MTUS2: variants seen among roughly 807,000 people sequenced by gnomAD.
MTUS2 encodes the protein microtubule associated scaffold protein 2.
Under a neutral mutation model 114.1 loss-of-function variants are expected in MTUS2, and 40 were observed. The observed-to-expected ratio is 0.35, with a 90% CI of 0.27 to 0.46. The LOEUF is 0.46. Ranked by LOEUF, MTUS2 falls within the 20% of genes least tolerant of loss-of-function variation. MTUS2 has a pLI of 1.00. For synonymous variants in MTUS2, 688 were observed against 672.0 expected, an observed-to-expected ratio of 1.02 and a Z score of -0.37; for missense variants, 1,679 against 1,705.4, an observed-to-expected ratio of 0.98 and a Z score of 0.27.
intron 8 of MTUS2, among the ~76,000 whole-genome samples, chr13:29,438,981 A>T (rs1399802910): frequency 6.6e-6 from 1 of 152,162 alleles, no homozygotes; most frequent in Non-Finnish European, 1.5e-5. Flanking sequence ...CGTCCTTCAG[A>T]GGTGCTGAAA....
At chr13:28,939,916 AC>A (rs1175465207) in intron 2 of MTUS2, among the ~76,000 whole-genome samples, 4 of 152,188 alleles carry the variant, frequency 2.6e-5, no homozygotes, top group Non-Finnish European at 5.9e-5. Flanking sequence ...GTCATGTCTT[AC>A]GTGGCGGCAG....
At chr13:29,153,079 A>T (rs1188108863) in intron 5 of MTUS2, among the ~76,000 whole-genome samples, 2 of 152,162 alleles carry the variant, frequency 1.3e-5, no homozygotes, top group African/African-American at 4.8e-5. Context: ...CATGCACAAA[A>T]TGTGAGTTGT....
chr13:28,873,248 A>C (rs747829989), intron 2 of MTUS2, among the ~76,000 whole-genome samples: 15 of 152,004 alleles, frequency 9.9e-5, no homozygotes, highest in Non-Finnish European at 1.9e-4. Flanking sequence ...ATGGGGGAAA[A>C]TTTTCTTCCT....
At chr13:29,460,784 C>T (rs1555281531) in intron 9 of MTUS2, among the ~76,000 whole-genome samples, 1 of 151,790 alleles carries the variant, frequency 6.6e-6, no homozygotes, top group Non-Finnish European at 1.5e-5. Context: ...AGTTACTCAA[C>T]TTTTTTTAGT....
chr13:28,873,627 A>G (rs1488838864), intron 2 of MTUS2, among the ~76,000 whole-genome samples: 1 of 152,234 alleles, frequency 6.6e-6, no homozygotes, highest in Non-Finnish European at 1.5e-5. Context: ...CAATAATGCA[A>G]TACAAATGGG....
intron 2 of MTUS2, among the ~76,000 whole-genome samples, chr13:29,010,462 T>TA (rs1391050407): frequency 6.6e-6 from 1 of 152,166 alleles, no homozygotes; most frequent in Non-Finnish European, 1.5e-5. Flanking sequence ...TCAGAGGACT[T>TA]ACCATCTCAA....
intron 5 of MTUS2, among the ~76,000 whole-genome samples, chr13:29,186,114 T>C (rs138176866): frequency 6.6e-6 from 1 of 152,284 alleles, no homozygotes; most frequent in East Asian, 1.9e-4. Context: ...CTTAGGAGGC[T>C]GAGGTGGGAA....
intron 2 of MTUS2, among the ~76,000 whole-genome samples, chr13:29,020,343 G>A (rs1365143373): frequency 1.3e-5 from 2 of 152,126 alleles, no homozygotes; most frequent in African/African-American, 4.8e-5. Context: ...ATCACACACA[G>A]TCTTGTATTA....
intron 2 of MTUS2, among the ~76,000 whole-genome samples, chr13:29,022,402 C>T (rs1192500920): frequency 6.6e-6 from 1 of 152,128 alleles, no homozygotes; most frequent in Non-Finnish European, 1.5e-5. Flanking sequence ...TAGGGTTTTG[C>T]TGTGTTGCCA....
chr13:29,372,702 T>G (rs34260552), intron 8 of MTUS2, among the ~76,000 whole-genome samples: 18,150 of 152,248 alleles, frequency 0.12, 1,249 homozygotes, highest in African/African-American at 0.19. Flanking sequence ...TTTTTCTTCT[T>G]TATATGATCT....
chr13:29,330,079 T>A (rs1021694285), intron 7 of MTUS2, among the ~76,000 whole-genome samples: 2 of 152,202 alleles, frequency 1.3e-5, no homozygotes, highest in Non-Finnish European at 2.9e-5. Context: ...ATAAAAGCGT[T>A]CCTATTTCTC....
At chr13:29,085,009 A>G (rs1889626732) in intron 4 of MTUS2, among the ~76,000 whole-genome samples, 2 of 152,294 alleles carry the variant, frequency 1.3e-5, no homozygotes. Flanking sequence ...GCTTAGTGCC[A>G]TCCCCTTGGT....
At chr13:29,382,441 A>G (rs189958464) in intron 8 of MTUS2, among the ~76,000 whole-genome samples, 43 of 152,200 alleles carry the variant, frequency 2.8e-4, no homozygotes, top group African/African-American at 7.9e-4. Context: ...ATTGGGAGGT[A>G]AGTTGCCTAG....
intron 1 of MTUS2, among the ~76,000 whole-genome samples, chr13:28,821,705 C>T (rs1435052322): frequency 6.6e-6 from 1 of 152,230 alleles, no homozygotes; most frequent in Non-Finnish European, 1.5e-5. Flanking sequence ...GTGATTCTAA[C>T]GTGTAGCCAG....
intron 8 of MTUS2, among the ~76,000 whole-genome samples, chr13:29,365,730 G>A (rs1870655078): frequency 6.6e-6 from 1 of 152,120 alleles, no homozygotes; most frequent in Non-Finnish European, 1.5e-5. Context: ...AGCCAGAGAG[G>A]CCACAGAGCA....
At chr13:28,960,339 G>T (rs2138209042) in intron 2 of MTUS2, among the ~76,000 whole-genome samples, 1 of 152,260 alleles carries the variant, frequency 6.6e-6, no homozygotes, top group Non-Finnish European at 1.5e-5. Flanking sequence ...CAAAAAGTTA[G>T]ATATAGAGTT....
rs77139869 is a variant in MTUS2 at position 29,216,213 on chromosome 13, C to T, written c.2645-65491C>T. Among the ~76,000 whole-genome samples the T allele has an allele frequency of 4.7e-3, 709 of 152,306 alleles. 3 individuals are homozygous for T. The highest frequency in any genetic ancestry group is 0.016 in the African/African-American group (653 of 41,562). On this transcript the variant is annotated intron_variant, in intron 5 of 15. Transcript: ENST00000612955. ...CTGCCTACTCAGGTTTCAGTAATGG[C>T]GGATGTCCCTTCCTTCATCAAGCTC...
intron 2 of MTUS2, among the ~76,000 whole-genome samples, chr13:28,886,904 G>T (rs1159141484): frequency 2.0e-5 from 3 of 152,224 alleles, no homozygotes; most frequent in Non-Finnish European, 4.4e-5. Flanking sequence ...TGAGCAGTTG[G>T]TGCTTTTCCT....
intron 5 of MTUS2, among the ~76,000 whole-genome samples, chr13:29,148,472 CTTTTT>C (rs976334425): frequency 1.4e-5 from 1 of 71,372 alleles, no homozygotes; most frequent in Non-Finnish European, 2.7e-5. Context: ...GTTTGGTTTT[CTTTTT>C]TTTTTTTTTT....
Sources: allele counts gnomAD v4.1 joint callset (sites outside exome capture counted in the v4.1 genomes callset), GRCh38; gene constraint gnomAD v4.1.1; transcripts MANE v1.5; gene names NCBI Gene and HGNC (gene_info 2026-07-23, HGNC 2026-07-21).